Variants in OCA2 observed in about 807,000 individuals in gnomAD.
OCA2 encodes the protein P protein.
OCA2 carries 77 observed loss-of-function variants against 100.2 expected under a neutral mutation model. The ratio of observed to expected loss-of-function variants is 0.77; its 90% CI spans 0.64 to 0.93. The LOEUF (loss-of-function observed/expected upper bound fraction) is 0.93, where lower values mean the gene tolerates loss of function less well. OCA2 is among the 40% of genes least tolerant of loss of function. The pLI is 0.00. For missense variants in OCA2, 1,062 were observed against 1,089.1 expected, an observed-to-expected ratio of 0.98 and a Z score of 0.35; for synonymous variants, 432 against 439.2, an observed-to-expected ratio of 0.98 and a Z score of 0.21.
intron 23 of OCA2, among the ~76,000 whole-genome samples, chr15:27,814,725 A>T (rs537939665): frequency 6.6e-6 from 1 of 152,198 alleles, no homozygotes; most frequent in Non-Finnish European, 1.5e-5. Context: ...CAAGAATACA[A>T]AAATTAGCTG....
chr15:27,983,097 T>A (rs915766810), intron 14 of OCA2, among the ~76,000 whole-genome samples: 1 of 152,232 alleles, frequency 6.6e-6, no homozygotes, highest in Admixed American at 6.5e-5. Flanking sequence ...TATGACTAAC[T>A]ACATCATGCT....
rs906306917 is a variant in OCA2, at chr15:27,871,208, C to T, written c.2190G>A (p.Trp730Ter). ...RLIAAIVLVV[W>*]VSALASSLID... ...TCAGGGACGACGCCAGGGCTGAGACCCACACCACCAGGACAATGGCGGCTA... is the reference window on the plus strand; with the variant it reads ...TCAGGGACGACGCCAGGGCTGAGACTCACACCACCAGGACAATGGCGGCTA... The change falls in exon 21 of 24, where the codon TGG becomes TGA. Residue 730 changes from tryptophan to a stop codon, truncating the protein, a stop_gained. Coordinates refer to ENST00000354638, the MANE Select transcript of OCA2 (RefSeq NM_000275.3). LOFTEE classifies it high-confidence loss of function. The T allele has an allele frequency of 6.2e-7, 1 of 1,614,056 alleles. No homozygotes were observed. The highest frequency in any genetic ancestry group is 8.5e-7 in the Non-Finnish European group (1 of 1,180,020).
intron 2 of OCA2, among the ~76,000 whole-genome samples, chr15:28,077,221 G>C (rs553292706): frequency 6.6e-6 from 1 of 151,902 alleles, no homozygotes; most frequent in African/African-American, 2.4e-5. Context: ...CACCAGGCCC[G>C]GATAATTTTG....
chr15:27,764,241 A>G (rs1375052024), intron 23 of OCA2, among the ~76,000 whole-genome samples: 1 of 149,328 alleles, frequency 6.7e-6, no homozygotes, highest in Non-Finnish European at 1.5e-5. Context: ...AGAGGGGAGA[A>G]AGGAGAGGCA....
chr15:27,948,884 A>C lies in OCA2; in HGVS notation c.1951+2900T>G, dbSNP rs1015367279. On this transcript the variant is annotated intron_variant, in intron 18 of 23. Transcript: ENST00000354638. ...CTGATTCCATGTATATGACAGCCCC[A>C]AAAACACAAAACCATAGTGATGGAG... 2.4e-4 allele frequency among the ~76,000 whole-genome samples: 37 copies of C among 152,178 alleles called. 1 individual carries two copies. The highest frequency in any genetic ancestry group is 8.8e-5 in the Non-Finnish European group (6 of 68,034).
chr15:28,027,927 G>C lies in OCA2; in HGVS notation c.459C>G (p.Ser153=), dbSNP rs2042803933. 2.5e-6 allele frequency: 4 copies of C among 1,614,010 alleles called. No individual in the cohort carries two copies. The highest frequency in any genetic ancestry group is 1.7e-5 in the Admixed American group (1 of 60,012). The change falls in exon 4 of 24, where the codon TCC becomes TCG. Residue 153 remains serine (S), a synonymous_variant. Coordinates refer to ENST00000354638, the MANE Select transcript of OCA2 (RefSeq NM_000275.3). ...EVSGLSASAS[S]EKGDLLDSPH... is the part of the protein sequence containing the mutation. ...GGCTGTCCAGAAGGTCTCCCTTCTCGGAGGAGGCAGATGCAGACAGACCAG... is the reference window on the plus strand; with the variant it reads ...GGCTGTCCAGAAGGTCTCCCTTCTCCGAGGAGGCAGATGCAGACAGACCAG...
intron 23 of OCA2, among the ~76,000 whole-genome samples, chr15:27,788,756 T>G (rs2032939471): frequency 6.6e-6 from 1 of 152,132 alleles, no homozygotes; most frequent in Non-Finnish European, 1.5e-5. Context: ...ATTTTGCTGT[T>G]TTCTATGTCT....
At chr15:27,858,454 G>T (rs1043544145) in intron 21 of OCA2, among the ~76,000 whole-genome samples, 16 of 149,894 alleles carry the variant, frequency 1.1e-4, no homozygotes, top group Non-Finnish European at 1.3e-4. Flanking sequence ...TACACATTTT[G>T]TTAACAAGTG....
chr15:28,081,957 T>G, intron 1 of OCA2, 62 bp from the exon 2 acceptor site: 1 of 1,350,284 alleles, frequency 7.4e-7, no homozygotes, highest in Non-Finnish European at 1.0e-6. Flanking sequence ...CGTTTGCACC[T>G]TGGGAGTCCG....
rs1017844336 is a variant in OCA2, at chr15:27,989,674, C to G, written c.1117-8G>C. ...ATGGGTCAGGCTGGGTCTCTGCAAT[C>G]AAAGCACAAATTTGCCAATTAATCC... On this transcript the variant is annotated splice_region_variant and splice_polypyrimidine_tract_variant and intron_variant, in intron 10 of 23. Transcript: ENST00000354638. The G allele has an allele frequency of 1.2e-6, 2 of 1,614,016 alleles. No homozygotes were observed. Among genetic ancestry groups the G allele is most frequent in the Non-Finnish European group, 1.7e-6 (2 of 1,179,910 alleles).
chr15:28,027,784 G>T, intron 4 of OCA2, 87 bp downstream of exon 4: 1 of 1,367,232 alleles, frequency 7.3e-7, no homozygotes, highest in Non-Finnish European at 1.0e-6. Flanking sequence ...TCTTCTTCAC[G>T]CTGCTGGTTT....
At chr15:28,016,892 C>T (rs2042411652) in intron 7 of OCA2, among the ~76,000 whole-genome samples, 1 of 152,152 alleles carries the variant, frequency 6.6e-6, no homozygotes, top group African/African-American at 2.4e-5. Flanking sequence ...ACTGCTTCTG[C>T]AACTGCTTGC....
chr15:27,822,808 T>C (rs756348243), intron 23 of OCA2, among the ~76,000 whole-genome samples: 4 of 152,192 alleles, frequency 2.6e-5, no homozygotes, highest in Non-Finnish European at 4.4e-5. Context: ...CTGGAATACA[T>C]ACTGTAAAAA....
chr15:27,845,082 A>T, intron 22 of OCA2, 30 bp from the exon 23 acceptor site: 1 of 1,522,780 alleles, frequency 6.6e-7, no homozygotes, highest in South Asian at 1.1e-5. Flanking sequence ...ACAAAATCCC[A>T]GTTCATCTTG....
chr15:27,853,933 C>A (rs572056731), intron 21 of OCA2, among the ~76,000 whole-genome samples: 3 of 152,312 alleles, frequency 2.0e-5, no homozygotes, highest in Middle Eastern at 3.4e-3. Flanking sequence ...AATTAAGGGG[C>A]AAGAGAGCCA....
the OCA2 span, among the ~76,000 whole-genome samples, chr15:27,729,289 A>ATTTTT: frequency 9.0e-5 from 10 of 111,218 alleles, no homozygotes; most frequent in East Asian, 8.1e-4. Flanking sequence ...ATTATCATCT[A>ATTTTT]TTTTTTTTTT....
intron 19 of OCA2, among the ~76,000 whole-genome samples, chr15:27,920,995 A>T (rs2038836702): frequency 1.3e-5 from 2 of 148,498 alleles, no homozygotes; most frequent in Non-Finnish European, 3.0e-5. Flanking sequence ...GAAGAGAATA[A>T]TTTTTTTTAA....
chr15:27,921,697 A>G (rs943680881), intron 19 of OCA2, among the ~76,000 whole-genome samples: 1 of 152,098 alleles, frequency 6.6e-6, no homozygotes, highest in Non-Finnish European at 1.5e-5. Context: ...CAATTAACAC[A>G]TATTTCATTT....
intron 1 of OCA2, among the ~76,000 whole-genome samples, chr15:28,092,408 T>G (rs1169296493): frequency 2.6e-5 from 4 of 152,168 alleles, no homozygotes; most frequent in Non-Finnish European, 4.4e-5. Context: ...CAGGCTGGAG[T>G]GCAGTGGTGC....
Sources: allele counts gnomAD v4.1 joint callset (sites outside exome capture counted in the v4.1 genomes callset), GRCh38; gene constraint gnomAD v4.1.1; transcripts MANE v1.5; gene names NCBI Gene and HGNC (gene_info 2026-07-23, HGNC 2026-07-21).